The following UBXN2A variants were observed in gnomAD, a reference collection of about 807,000 sequenced individuals.
UBXN2A encodes the protein UBX domain protein 2A.
A neutral mutation model predicts 28.4 loss-of-function variants in UBXN2A; 28 were observed. The ratio of observed to expected loss-of-function variants is 0.99; its 90% CI spans 0.73 to 1.35. The LOEUF is 1.35. Among genes scored for constraint, UBXN2A ranks in the 40% most tolerant of loss-of-function variants. The pLI is 0.00. For synonymous variants in UBXN2A, 97 were observed against 103.6 expected, an observed-to-expected ratio of 0.94 and a Z score of 0.39; for missense variants, 253 against 297.9, an observed-to-expected ratio of 0.85 and a Z score of 1.11.
intron 2 of UBXN2A, among the ~76,000 whole-genome samples, chr2:23,964,134 CAAA>C (rs70944703): frequency 1.8e-4 from 22 of 124,106 alleles, no homozygotes; most frequent in Admixed American, 5.5e-4. Context: ...GATCCTGTCT[CAAA>C]AAAAAAAAAA....
intron 6 of UBXN2A, among the ~76,000 whole-genome samples, chr2:23,994,604 A>T (rs576500377): frequency 6.6e-6 from 1 of 152,298 alleles, no homozygotes; most frequent in South Asian, 2.1e-4. Flanking sequence ...TTTCAATTCT[A>T]CTGTCACTTG....
At chr2:23,971,118 G>A (rs1320451247) in intron 2 of UBXN2A, among the ~76,000 whole-genome samples, 158 bp from the exon 3 acceptor site, 1 of 152,162 alleles carries the variant, frequency 6.6e-6, no homozygotes, top group Non-Finnish European at 1.5e-5. Context: ...GACTAAAAAG[G>A]GGTTAATGAC....
intron 1 of UBXN2A, among the ~76,000 whole-genome samples, chr2:23,930,617 G>T (rs1705338773): frequency 6.6e-6 from 1 of 152,192 alleles, no homozygotes; most frequent in Non-Finnish European, 1.5e-5. Flanking sequence ...CTAGCACTTT[G>T]GGAGGCTGAG....
chr2:23,952,518 C>T (rs142695513), intron 1 of UBXN2A, among the ~76,000 whole-genome samples: 151 of 152,278 alleles, frequency 9.9e-4, no homozygotes, highest in African/African-American at 3.5e-3. Flanking sequence ...GATGTCAGCT[C>T]ACCACAATCT....
In UBXN2A at chr2:23,964,776, A is replaced by C. The variant is rs554045146; in HGVS notation, c.41+6421A>C. Reference sequence around the variant, plus strand: ...TAAGTGTTCTTACCATGATAAAATAAAAAAAACTTTTTAGAAAATCCCTCA... The same window carrying C: ...TAAGTGTTCTTACCATGATAAAATACAAAAAACTTTTTAGAAAATCCCTCA... On this transcript the variant is annotated intron_variant, in intron 2 of 6. Coordinates refer to ENST00000309033, the MANE Select transcript of UBXN2A (RefSeq NM_181713.4). Among the ~76,000 whole-genome samples the C allele has an allele frequency of 8.3e-4, 127 of 152,292 alleles. 1 individual carries two copies. Among genetic ancestry groups the C allele is most frequent in the African/African-American group, 3.0e-3 (124 of 41,560 alleles).
chr2:23,988,449 A>G, intron 6 of UBXN2A, among the ~76,000 whole-genome samples: 1 of 152,112 alleles, frequency 6.6e-6, no homozygotes, highest in East Asian at 1.9e-4. Context: ...TATAACCTTG[A>G]CTTTTTAAAA....
chr2:23,983,154 A>AT (rs1463361580), intron 5 of UBXN2A, 121 bp downstream of exon 5: 81 of 1,162,770 alleles, frequency 7.0e-5, no homozygotes, highest in South Asian at 2.0e-4. Flanking sequence ...TGGAAATCAG[A>AT]TTTTTTTTAA....
intron 6 of UBXN2A, among the ~76,000 whole-genome samples, chr2:23,995,043 G>A (rs190333305): frequency 4.5e-4 from 69 of 152,236 alleles, no homozygotes; most frequent in Admixed American, 1.5e-3. Context: ...CTCCTCAGTC[G>A]CTGTTTTCTG....
chr2:23,972,343 G>A lies in UBXN2A; in HGVS notation c.180+929G>A, dbSNP rs190929769. Among the ~76,000 whole-genome samples, 556 of 152,212 alleles carry A rather than the reference G, an allele frequency of 3.7e-3. 1 individual carries two copies. Among genetic ancestry groups the A allele is most frequent in the Non-Finnish European group, 6.6e-3 (450 of 67,996 alleles). On this transcript the variant is annotated intron_variant, in intron 3 of 6. Coordinates refer to ENST00000309033, the MANE Select transcript of UBXN2A (RefSeq NM_181713.4). Reference sequence around the variant, plus strand: ...AGGGATGCTTATTGGGGGCATTTCAGATTTTGAGTCTTGAATTTGGAAAGC... The same window carrying A: ...AGGGATGCTTATTGGGGGCATTTCAAATTTTGAGTCTTGAATTTGGAAAGC...
chr2:23,987,366 G>A (rs1708172857), intron 6 of UBXN2A, among the ~76,000 whole-genome samples: 1 of 152,120 alleles, frequency 6.6e-6, no homozygotes, highest in Admixed American at 6.6e-5. Context: ...TCCTAAATTT[G>A]TGTTGATAAT....
At chr2:23,967,592 A>C (rs1034113491) in intron 2 of UBXN2A, among the ~76,000 whole-genome samples, 9 of 152,194 alleles carry the variant, frequency 5.9e-5, no homozygotes, top group African/African-American at 4.8e-5. Flanking sequence ...AATCACATAG[A>C]AGTTAAGTTT....
At chr2:23,976,080 C>G (rs1707651051) in intron 3 of UBXN2A, among the ~76,000 whole-genome samples, 2 of 152,208 alleles carry the variant, frequency 1.3e-5, no homozygotes, top group South Asian at 4.1e-4. Flanking sequence ...AAGGATTTAG[C>G]TCTTTTTCTA....
At chr2:23,983,163 A>G in intron 5 of UBXN2A, 130 bp downstream of exon 5, 2 of 1,134,208 alleles carry the variant, frequency 1.8e-6, no homozygotes, top group Non-Finnish European at 2.3e-6. Context: ...GATTTTTTTT[A>G]ATGTTAATTT....
intron 1 of UBXN2A, among the ~76,000 whole-genome samples, chr2:23,945,698 TTTTG>T (rs545762869): frequency 2.6e-4 from 40 of 152,296 alleles, no homozygotes; most frequent in African/African-American, 7.2e-4. Context: ...GTGGCCAGTT[TTTTG>T]TTTGTTTTTG....
chr2:23,961,500 T>A (rs554330531), intron 2 of UBXN2A, among the ~76,000 whole-genome samples: 41 of 149,222 alleles, frequency 2.7e-4, no homozygotes, highest in African/African-American at 8.8e-4. Context: ...AATGTTTTGT[T>A]AAAAACAATG....
At chr2:23,944,246 C>G in intron 1 of UBXN2A, 1 of 1,602,616 alleles carries the variant, frequency 6.2e-7, no homozygotes, top group South Asian at 1.1e-5. Context: ...GGATCCAACA[C>G]TTGATGTGGG....
chr2:23,957,885 C>T (rs1484441018), intron 1 of UBXN2A, among the ~76,000 whole-genome samples: 1 of 152,102 alleles, frequency 6.6e-6, no homozygotes, highest in Non-Finnish European at 1.5e-5. Context: ...ACCTTGGCCT[C>T]CCAAAGTGCT....
chr2:23,985,876 G>A (rs72781643), intron 6 of UBXN2A, among the ~76,000 whole-genome samples: 18,779 of 152,092 alleles, frequency 0.12, 1,243 homozygotes, highest in Middle Eastern at 0.22. Flanking sequence ...ATGCACATCC[G>A]TAGTCCCAGC....
intron 4 of UBXN2A, 98 bp from the exon 5 acceptor site, chr2:23,982,788 ATATATTTCTG>A (rs1707965397): frequency 2.6e-6 from 3 of 1,170,612 alleles, no homozygotes; most frequent in Non-Finnish European, 3.5e-6. Context: ...ATAGAATATT[ATATATTTCTG>A]TATATTTCTA....
Sources: allele counts gnomAD v4.1 joint callset (sites outside exome capture counted in the v4.1 genomes callset), GRCh38; gene constraint gnomAD v4.1.1; transcripts MANE v1.5; gene names NCBI Gene and HGNC (gene_info 2026-07-23, HGNC 2026-07-21).